The following CCDC178 variants were observed in gnomAD, a reference collection of about 807,000 sequenced individuals.
CCDC178 encodes coiled-coil domain-containing protein 178.
CCDC178 carries 126 observed loss-of-function variants against 117.4 expected under a neutral mutation model. That is an observed-to-expected ratio of 1.07 (90% confidence interval 0.93 to 1.24). The LOEUF is 1.24. CCDC178 is among the 50% of genes most tolerant of loss of function. The pLI is 0.00. For synonymous variants in CCDC178, 283 were observed against 313.4 expected, an observed-to-expected ratio of 0.90 and a Z score of 1.02; for missense variants, 1,030 against 986.9, an observed-to-expected ratio of 1.04 and a Z score of -0.59.
At chr18:33,394,943 G>GTATGTGTATATA (rs1555697671) in intron 4 of CCDC178, among the ~76,000 whole-genome samples, 1 of 61,500 alleles carries the variant, frequency 1.6e-5, no homozygotes, top group Non-Finnish European at 3.0e-5. Context: ...ATATGTATGT[G>GTATGTGTATATA]TATATATATA....
chr18:33,218,667 T>C (rs947160365), intron 18 of CCDC178, among the ~76,000 whole-genome samples: 78 of 152,332 alleles, frequency 5.1e-4, no homozygotes, highest in Non-Finnish European at 9.1e-4. Flanking sequence ...GCTTTCTACC[T>C]ATGGCTAGCC....
At chr18:33,419,361 C>T (rs1177630439) in intron 2 of CCDC178, among the ~76,000 whole-genome samples, 1 of 152,156 alleles carries the variant, frequency 6.6e-6, no homozygotes, top group African/African-American at 2.4e-5. Context: ...CTAGGAAATA[C>T]CATTCTGGAC....
At chr18:33,039,850 A>T (rs1330891758) in intron 21 of CCDC178, among the ~76,000 whole-genome samples, 1 of 152,008 alleles carries the variant, frequency 6.6e-6, no homozygotes, top group Non-Finnish European at 1.5e-5. Context: ...GAAAAGGAAG[A>T]AACTAGATTA....
At chr18:33,054,762 T>C (rs572090715) in intron 21 of CCDC178, among the ~76,000 whole-genome samples, 2 of 152,368 alleles carry the variant, frequency 1.3e-5, no homozygotes, top group Admixed American at 6.5e-5. Flanking sequence ...AATAGAATGA[T>C]TTATATTCCT....
At chr18:32,984,045 C>G (rs867638427) in intron 21 of CCDC178, among the ~76,000 whole-genome samples, 1 of 151,862 alleles carries the variant, frequency 6.6e-6, no homozygotes, top group African/African-American at 2.4e-5. Flanking sequence ...TCTTTATTAC[C>G]AAATCCATTT....
intron 20 of CCDC178, among the ~76,000 whole-genome samples, chr18:33,138,924 G>C (rs2144286484): frequency 6.6e-6 from 1 of 152,272 alleles, no homozygotes; most frequent in Middle Eastern, 3.4e-3. Context: ...ACAAAGAAGG[G>C]AAGGAATTTC....
intron 20 of CCDC178, among the ~76,000 whole-genome samples, chr18:33,197,267 G>GATCCTCATGCCTTT (rs1373281348): frequency 1.3e-5 from 2 of 152,214 alleles, no homozygotes; most frequent in African/African-American, 4.8e-5. Context: ...AGACTCAAGC[G>GATCCTCATGCCTTT]ATCCTCATGC....
intron 15 of CCDC178, among the ~76,000 whole-genome samples, chr18:33,228,315 AG>A (rs2059332105): frequency 2.6e-5 from 4 of 152,224 alleles, no homozygotes; most frequent in South Asian, 4.1e-4. Context: ...CATTCTTTGA[AG>A]TTTTTTTGTT....
chr18:33,333,436 G>T, intron 9 of CCDC178, 42 bp from the exon 10 acceptor site: 1 of 941,520 alleles, frequency 1.1e-6, no homozygotes, highest in East Asian at 2.8e-5. Context: ...TCTGATTGGA[G>T]GAAATATTTG....
At chr18:33,420,457 G>T (rs1026154155) in intron 2 of CCDC178, among the ~76,000 whole-genome samples, 4 of 152,060 alleles carry the variant, frequency 2.6e-5, no homozygotes, top group African/African-American at 9.7e-5. Context: ...AGGTTCAAGC[G>T]ATTCTCATGC....
At chr18:33,363,385 G>C (rs1342029275) in intron 6 of CCDC178, among the ~76,000 whole-genome samples, 1 of 152,004 alleles carries the variant, frequency 6.6e-6, no homozygotes, top group Non-Finnish European at 1.5e-5. Flanking sequence ...TAGGAACTCA[G>C]ATCCATTTTC....
At chr18:33,279,897 A>G (rs1247528756) in intron 12 of CCDC178, among the ~76,000 whole-genome samples, 2 of 152,298 alleles carry the variant, frequency 1.3e-5, no homozygotes, top group Non-Finnish European at 2.9e-5. Flanking sequence ...CTGGCTAGCC[A>G]TATGTAGAAA....
chr18:32,965,352 CCTAA>C (rs2054790279), intron 22 of CCDC178, among the ~76,000 whole-genome samples: 1 of 151,868 alleles, frequency 6.6e-6, no homozygotes, highest in Non-Finnish European at 1.5e-5. Context: ...TTTATTTTTA[CCTAA>C]CTAAGGTCAT....
At chr18:33,333,583 T>C (rs898368856) in intron 9 of CCDC178, among the ~76,000 whole-genome samples, 189 bp from the exon 10 acceptor site, 2 of 151,028 alleles carry the variant, frequency 1.3e-5, no homozygotes, top group African/African-American at 4.9e-5. Context: ...TGGCACGATC[T>C]TGGCTTACTG....
At chr18:33,404,325 A>G (rs1599278543) in intron 3 of CCDC178, among the ~76,000 whole-genome samples, 1 of 152,218 alleles carries the variant, frequency 6.6e-6, no homozygotes, top group East Asian at 1.9e-4. Flanking sequence ...GCTCTGTATT[A>G]TGTACCAGTT....
intron 20 of CCDC178, among the ~76,000 whole-genome samples, chr18:33,135,081 C>T (rs1371998790): frequency 6.6e-6 from 1 of 151,448 alleles, no homozygotes; most frequent in Non-Finnish European, 1.5e-5. Context: ...TTATCAGTTG[C>T]CCTAAATGCT....
chr18:33,169,966 T>C (rs1443320568), intron 20 of CCDC178, among the ~76,000 whole-genome samples: 1 of 152,112 alleles, frequency 6.6e-6, no homozygotes, highest in African/African-American at 2.4e-5. Flanking sequence ...CTGCCACATA[T>C]ACCAGCTGAT....
intron 9 of CCDC178, among the ~76,000 whole-genome samples, chr18:33,340,129 A>G (rs1370931824): frequency 6.6e-6 from 1 of 152,138 alleles, no homozygotes; most frequent in Non-Finnish European, 1.5e-5. Flanking sequence ...AAGGTCCAGG[A>G]TGAGGTGGTC....
intron 15 of CCDC178, among the ~76,000 whole-genome samples, chr18:33,238,045 T>C (rs1006328121): frequency 1.6e-4 from 24 of 152,232 alleles, no homozygotes; most frequent in Admixed American, 9.2e-4. Flanking sequence ...GTCACTAGCA[T>C]AGATTACAGC....
Sources: allele counts gnomAD v4.1 joint callset (sites outside exome capture counted in the v4.1 genomes callset), GRCh38; gene constraint gnomAD v4.1.1; transcripts MANE v1.5; gene names NCBI Gene and HGNC (gene_info 2026-07-23, HGNC 2026-07-21).